Variants in DZIP1 observed in about 807,000 individuals in gnomAD.
DZIP1 encodes cilium assembly protein DZIP1.
Under a neutral mutation model 107.6 loss-of-function variants are expected in DZIP1, and 97 were observed. The observed-to-expected ratio is 0.90, with a 90% confidence interval of 0.77 to 1.07. The LOEUF (loss-of-function observed/expected upper bound fraction) is 1.07, where lower values mean the gene tolerates loss of function less well. DZIP1 is among the 50% of genes least tolerant of loss of function. The pLI is 0.00. For synonymous variants in DZIP1, 390 were observed against 386.4 expected, an observed-to-expected ratio of 1.01 and a Z score of -0.11; for missense variants, 1,035 against 1,063.6, an observed-to-expected ratio of 0.97 and a Z score of 0.37.
chr13:95,594,880 TAAAAAA>T (rs33911437), intron 15 of DZIP1, among the ~76,000 whole-genome samples: 1 of 150,780 alleles, frequency 6.6e-6, no homozygotes, highest in Non-Finnish European at 1.5e-5. Flanking sequence ...ATTCCCCACT[TAAAAAA>T]AAAAAGTCAA....
intron 7 of DZIP1, 140 bp downstream of exon 7, chr13:95,629,849 G>A: frequency 1.3e-6 from 1 of 784,634 alleles, no homozygotes; most frequent in Non-Finnish European, 1.9e-6. Flanking sequence ...AGATACTAAA[G>A]AGTAGATTGG....
intron 5 of DZIP1, among the ~76,000 whole-genome samples, chr13:95,635,280 T>C (rs1877666807): frequency 6.6e-6 from 1 of 151,250 alleles, no homozygotes; most frequent in African/African-American, 2.4e-5. Context: ...CACTGCAGCT[T>C]TAACCTCCCA....
chr13:95,606,268 A>G (rs2044773270), intron 13 of DZIP1, among the ~76,000 whole-genome samples: 1 of 152,234 alleles, frequency 6.6e-6, no homozygotes, highest in Non-Finnish European at 1.5e-5. Context: ...TTAAAAATAT[A>G]CAATTCAGTG....
intron 14 of DZIP1, among the ~76,000 whole-genome samples, chr13:95,604,464 GCC>G: frequency 6.6e-6 from 1 of 152,164 alleles, no homozygotes; most frequent in Non-Finnish European, 1.5e-5. Context: ...AGGGCTGTAG[GCC>G]CTGTGCCAGG....
rs1477184785 is a variant in DZIP1 at position 95,641,319 on chromosome 13, G to A, written c.573C>T (p.Ile191=). 3 of 1,597,724 alleles carry A rather than the reference G, an allele frequency of 1.9e-6. No individual in the cohort carries two copies. The highest frequency in any genetic ancestry group is 2.3e-5 in the East Asian group (1 of 44,404). ...CCTGGTAATAGTTGGCTTTGGCCTC[G>A]ATCATCAGCTGCTGGGTGGAGATCA... ...KKMISTQQLM[I]EAKANYYQCH... is the part of the protein sequence containing the mutation. The change falls in exon 5 of 23, where the codon ATC becomes ATT. Residue 191 remains isoleucine (I), a synonymous_variant. Transcript: ENST00000376829. The surrounding 1 kb of genome is among the most constrained non-coding windows in gnomAD (Gnocchi z 4.3).
At chr13:95,642,274 C>T in intron 3 of DZIP1, 33 bp from the exon 4 acceptor site, 1 of 464,178 alleles carries the variant, frequency 2.2e-6, no homozygotes. Context: ...TTGGACGAGC[C>T]CGAGTGGACA....
chr13:95,630,779 A>T, intron 6 of DZIP1: 1 of 1,283,942 alleles, frequency 7.8e-7, no homozygotes, highest in Non-Finnish European at 1.0e-6. Context: ...AAAGGTATGG[A>T]AACCAAAGTA....
At chr13:95,643,961 G>T (rs1878816148) in intron 1 of DZIP1, among the ~76,000 whole-genome samples, 1 of 152,158 alleles carries the variant, frequency 6.6e-6, no homozygotes, top group African/African-American at 2.4e-5. Context: ...ACCCATCTCC[G>T]TTGGCCGCCA....
At chr13:95,637,940 T>C (rs996308311) in intron 5 of DZIP1, among the ~76,000 whole-genome samples, 1 of 152,132 alleles carries the variant, frequency 6.6e-6, no homozygotes, top group Admixed American at 6.6e-5. Flanking sequence ...TTTTATATGT[T>C]CATAAACATA....
intron 15 of DZIP1, 96 bp downstream of exon 15, chr13:95,599,269 T>C (rs1450016936): frequency 2.0e-6 from 2 of 1,017,566 alleles, no homozygotes; most frequent in Non-Finnish European, 1.5e-6. Context: ...AATTTTGATG[T>C]AGTGGAATAA....
intron 3 of DZIP1, 22 bp from the exon 4 acceptor site, chr13:95,642,263 C>T (rs1475663171): frequency 2.0e-6 from 1 of 488,528 alleles, no homozygotes; most frequent in East Asian, 3.6e-5. Flanking sequence ...GAGAAGACCT[C>T]TTGGACGAGC....
chr13:95,614,666 A>G (rs1210807974), intron 10 of DZIP1, among the ~76,000 whole-genome samples: 1 of 152,090 alleles, frequency 6.6e-6, no homozygotes, highest in Non-Finnish European at 1.5e-5. Flanking sequence ...CTGTGATCCC[A>G]TTTCAAGCAC....
Position 95,642,063 on chromosome 13 carries a change from C to T in DZIP1, c.-34G>A. 1 of 1,513,634 alleles carries T rather than the reference C, an allele frequency of 6.6e-7. No individual in the cohort carries two copies. The highest frequency in any genetic ancestry group is 8.8e-7 in the Non-Finnish European group (1 of 1,140,862). 93.8% of individuals were successfully genotyped at this position (1,513,634 alleles called of 1,614,324 possible). On this transcript the variant is annotated 5_prime_UTR_variant, in exon 4 of 23. Transcript: ENST00000376829. The stretch of plus-strand genomic sequence containing the variant: ...CCGGGCGGTCTTTACCCAGCCTGGG[C>T]CGCCTCCCGGGCCGCCGCCGCCACA...
At chr13:95,628,103 G>A (rs969389997) in intron 7 of DZIP1, among the ~76,000 whole-genome samples, 1 of 151,920 alleles carries the variant, frequency 6.6e-6, no homozygotes, top group African/African-American at 2.4e-5. Context: ...GCAGCGGTGT[G>A]AACACAGCTC....
At chr13:95,614,810 C>T (rs1416088421) in intron 10 of DZIP1, among the ~76,000 whole-genome samples, 1 of 152,122 alleles carries the variant, frequency 6.6e-6, no homozygotes, top group Non-Finnish European at 1.5e-5. Context: ...CTGTGACTGC[C>T]TGTGAACTCC....
rs375520151 is a variant in DZIP1, at chr13:95,630,154, C to T, written c.686-41G>A. On this transcript the variant is annotated intron_variant, in intron 6 of 22. Coordinates refer to ENST00000376829, the MANE Select transcript of DZIP1 (RefSeq NM_198968.4). ...ATCGTGTTAAAACACCATCTCTTAC[C>T]AAATGTACCTGGAAACTTATGGGGT... is the stretch of plus-strand genomic sequence containing the variant. The T allele has an allele frequency of 1.1e-5, 17 of 1,587,136 alleles. No individual in the cohort carries two copies. The African/African-American group carries it at 2.3e-4, about 21-fold the overall frequency.
At chr13:95,584,429 A>AAC (rs1323416899) in intron 22 of DZIP1, 1 of 254,008 alleles carries the variant, frequency 3.9e-6, no homozygotes, top group East Asian at 1.6e-4. Context: ...CTAGAAGGTT[A>AAC]AGGTTGCAGT....
intron 7 of DZIP1, among the ~76,000 whole-genome samples, chr13:95,627,847 A>T (rs1876726438): frequency 6.6e-6 from 1 of 152,238 alleles, no homozygotes; most frequent in Admixed American, 6.5e-5. Context: ...TGTTTATAGT[A>T]GCATTATTCA....
At chr13:95,587,754 G>A (rs1208749610) in intron 19 of DZIP1, 25 bp from the exon 20 acceptor site, 2 of 1,603,976 alleles carry the variant, frequency 1.2e-6, no homozygotes, top group African/African-American at 1.3e-5. Flanking sequence ...ACCGAGATAG[G>A]GGCGCTGTTT....
Sources: gnomAD v4.1 joint callset for allele counts (sites outside exome capture counted in the v4.1 genomes callset) on GRCh38, gnomAD v4.1.1 for gene constraint, Gnocchi (gnomAD v3.1) non-coding constraint, MANE v1.5 for transcripts, NCBI Gene and HGNC (gene_info 2026-07-23, HGNC 2026-07-21) for gene names.